CNTNAP3: variants seen among roughly 807,000 people sequenced by gnomAD.
CNTNAP3 encodes contactin associated protein family member 3.
In CNTNAP3, 36 loss-of-function variants were observed where a neutral mutation model predicts 92.1. The ratio of observed to expected loss-of-function variants is 0.39; its 90% CI spans 0.30 to 0.52. CNTNAP3 has a LOEUF of 0.52. Ranked by LOEUF, CNTNAP3 falls within the 20% of genes least tolerant of loss-of-function variation. The probability of loss-of-function intolerance (pLI) is 0.76; values close to 1 mark genes in which losing one functional copy is unlikely to be tolerated. For missense variants in CNTNAP3, 534 were observed against 1,069.6 expected (o/e 0.50, Z 6.98); for synonymous variants, 232 against 422.3 (o/e 0.55, Z 5.53).
At chr9:39,141,191 C>T (rs1353580537) in intron 11 of CNTNAP3, among the ~76,000 whole-genome samples, 2 of 152,272 alleles carry the variant, frequency 1.3e-5, no homozygotes, top group South Asian at 4.1e-4. Context: ...GGCAACTATA[C>T]CTCAGAATTA....
chr9:39,124,761 T>C (rs1227024007), intron 13 of CNTNAP3, among the ~76,000 whole-genome samples: 1 of 141,754 alleles, frequency 7.1e-6, no homozygotes, highest in African/African-American at 2.8e-5. Context: ...GAAAAAATGC[T>C]CATCATCACT....
At chr9:39,159,848 T>C (rs1822047487) in intron 9 of CNTNAP3, 1 of 141,198 alleles carries the variant, frequency 7.1e-6, no homozygotes. Context: ...AAATATTCTC[T>C]TTATTATCTC....
At chr9:39,095,268 A>C (rs2118456957) in intron 18 of CNTNAP3, among the ~76,000 whole-genome samples, 1 of 151,832 alleles carries the variant, frequency 6.6e-6, no homozygotes, top group African/African-American at 2.4e-5. Context: ...AAGATAAGGT[A>C]ATCTGAGAGA....
intron 15 of CNTNAP3, among the ~76,000 whole-genome samples, chr9:39,104,854 C>A (rs913421743): frequency 1.3e-5 from 2 of 152,170 alleles, no homozygotes; most frequent in Non-Finnish European, 2.9e-5. Flanking sequence ...CAATGCTGAT[C>A]AGCCCATCAC....
chr9:39,075,867 T>C (rs1825748499), intron 23 of CNTNAP3, among the ~76,000 whole-genome samples: 3 of 152,282 alleles, frequency 2.0e-5, no homozygotes, highest in South Asian at 4.1e-4. Context: ...TTTTCTCTTG[T>C]TAATCAGAGG....
rs1233860397 is a variant in CNTNAP3, at chr9:39,254,295, A to T, written c.196+12601T>A. ...AGAGACTGGGGTATCTGACTTAAGC[A>T]GCTTTTGTACTGGACCACACTTAAA... On this transcript the variant is annotated intron_variant, in intron 2 of 23. Coordinates refer to ENST00000297668, the MANE Select transcript of CNTNAP3 (RefSeq NM_033655.5). Among the ~76,000 whole-genome samples, 5 of 19,260 alleles carry T rather than the reference A, an allele frequency of 2.6e-4. 2 individuals are homozygous for T. Among genetic ancestry groups the T allele is most frequent in the Non-Finnish European group, 3.4e-4 (3 of 8,738 alleles). The allele number at this position is 19,260 out of a possible 152,430, so 12.6% of individuals were successfully genotyped here.
At chr9:39,118,661 T>C (rs950433364) in intron 13 of CNTNAP3, among the ~76,000 whole-genome samples, 2 of 152,208 alleles carry the variant, frequency 1.3e-5, no homozygotes, top group Non-Finnish European at 2.9e-5. Flanking sequence ...AAGACATTGA[T>C]TTATCTCATC....
At chr9:39,130,783 A>G (rs1348540577) in intron 13 of CNTNAP3, among the ~76,000 whole-genome samples, 3 of 151,904 alleles carry the variant, frequency 2.0e-5, no homozygotes, top group Non-Finnish European at 4.4e-5. Flanking sequence ...GATTACAGGC[A>G]TGAGCCACCG....
chr9:39,119,817 T>A (rs1331458921), intron 13 of CNTNAP3, among the ~76,000 whole-genome samples: 1 of 152,022 alleles, frequency 6.6e-6, no homozygotes, highest in Non-Finnish European at 1.5e-5. Context: ...GAAGATACAA[T>A]AACATAACTT....
chr9:39,141,792 G>A (rs1365684350), intron 11 of CNTNAP3, among the ~76,000 whole-genome samples: 1 of 152,134 alleles, frequency 6.6e-6, no homozygotes, highest in Non-Finnish European at 1.5e-5. Context: ...AAAGTGACTA[G>A]AATTTGTGCT....
At chr9:39,146,231 G>C (rs932859812) in intron 10 of CNTNAP3, among the ~76,000 whole-genome samples, 26 of 152,108 alleles carry the variant, frequency 1.7e-4, no homozygotes, top group African/African-American at 6.0e-4. Context: ...AGTGGGGTCA[G>C]CAGCCTGGTC....
At chr9:39,132,734 G>T (rs1301954218) in intron 13 of CNTNAP3, among the ~76,000 whole-genome samples, 198 bp downstream of exon 13, 3 of 152,160 alleles carry the variant, frequency 2.0e-5, no homozygotes, top group Non-Finnish European at 2.9e-5. Context: ...CGCGCTGAAC[G>T]TCTCTCAACG....
intron 13 of CNTNAP3, among the ~76,000 whole-genome samples, chr9:39,132,544 G>C (rs1821317946): frequency 6.6e-6 from 1 of 152,154 alleles, no homozygotes; most frequent in Admixed American, 6.5e-5. Context: ...GGTAGATTTA[G>C]AGGAAGACTT....
intron 18 of CNTNAP3, among the ~76,000 whole-genome samples, chr9:39,094,662 G>A (rs1046902167): frequency 3.3e-5 from 5 of 151,504 alleles, no homozygotes; most frequent in Admixed American, 6.6e-5. Context: ...CTGTATGTAC[G>A]TAGGTTTATT....
chr9:39,133,589 G>A (rs922649510), intron 12 of CNTNAP3, among the ~76,000 whole-genome samples: 6 of 152,038 alleles, frequency 3.9e-5, no homozygotes, highest in South Asian at 2.1e-4. Flanking sequence ...ATGATAGGAA[G>A]CAGCTCTATT....
At chr9:39,091,962 T>C (rs1449014366) in intron 18 of CNTNAP3, among the ~76,000 whole-genome samples, 1 of 151,692 alleles carries the variant, frequency 6.6e-6, no homozygotes. Flanking sequence ...GAAGTAGTAG[T>C]TTGTGTTAAT....
rs1825502939 is a variant in CNTNAP3 at position 39,066,044 on chromosome 9, C to CT, written c.*7845dup. On this transcript the variant is annotated 3_prime_UTR_variant, in exon 24 of 24. Coordinates refer to ENST00000297668, the MANE Select transcript of CNTNAP3 (RefSeq NM_033655.5). ...ATTTGTTCTTTGTCCTCTTTCTCATCTTTTTTGTCTACTTTCAAGCATTTA... is the reference window on the plus strand; with the variant it reads ...ATTTGTTCTTTGTCCTCTTTCTCATCTTTTTTTGTCTACTTTCAAGCATTTA... Among the ~76,000 whole-genome samples, 1 of 152,184 alleles carries CT rather than the reference C, an allele frequency of 6.6e-6. No homozygotes were observed. The highest frequency in any genetic ancestry group is 1.5e-5 in the Non-Finnish European group (1 of 68,008).
rs553154151 is a variant in CNTNAP3 at position 39,097,464 on chromosome 9, AG to A, written c.2995+2446del. 2.0e-3 allele frequency among the ~76,000 whole-genome samples: 302 copies of A among 152,200 alleles called. 2 individuals are homozygous for A. Among genetic ancestry groups the A allele is most frequent in the African/African-American group, 6.7e-3 (280 of 41,510 alleles). ...CCTGGTGGAGAAACTGTTCCTTACA[AG>A]TAAGCTGGAGTGAGGGCAATTGGGA... On this transcript the variant is annotated intron_variant, in intron 18 of 23. Coordinates refer to ENST00000297668, the MANE Select transcript of CNTNAP3 (RefSeq NM_033655.5).
At position 39,090,332 on chromosome 9, in the gene CNTNAP3, T is replaced by C. The variant is rs1271523967; in HGVS notation, c.2996-1685A>G. On this transcript the variant is annotated intron_variant, in intron 18 of 23. Transcript: ENST00000297668. ...ATACTTTCTTCCATTCTGTGGGTTA[T>C]CTTCTCTTTTGTTCTCCCATGTTTT... Among the ~76,000 whole-genome samples, 6 of 152,216 alleles carry C rather than the reference T, an allele frequency of 3.9e-5. No individual in the cohort carries two copies. The East Asian group carries it at 1.2e-3, about 29-fold the overall frequency.
Sources: allele counts gnomAD v4.1 joint callset (sites outside exome capture counted in the v4.1 genomes callset), GRCh38; gene constraint gnomAD v4.1.1; transcripts MANE v1.5; gene names NCBI Gene and HGNC (gene_info 2026-07-23, HGNC 2026-07-21).